Variants in RASGRF2 observed in about 807,000 individuals in gnomAD.
RASGRF2 encodes ras-specific guanine nucleotide-releasing factor 2.
A neutral mutation model predicts 151.0 loss-of-function variants in RASGRF2; 76 were observed. That is an observed-to-expected ratio of 0.50 (90% confidence interval 0.42 to 0.61). RASGRF2 has a LOEUF of 0.61. RASGRF2 is among the 20% of genes least tolerant of loss of function. The pLI is 0.00. For synonymous variants in RASGRF2, 504 were observed against 566.5 expected, an observed-to-expected ratio of 0.89 and a Z score of 1.57; for missense variants, 1,148 against 1,564.6, an observed-to-expected ratio of 0.73 and a Z score of 4.49.
At chr5:81,144,169 G>T (rs184186865) in intron 17 of RASGRF2, among the ~76,000 whole-genome samples, 9 of 152,308 alleles carry the variant, frequency 5.9e-5, no homozygotes, top group African/African-American at 7.2e-5. Context: ...GATGTGACAA[G>T]CTTTTAGTTA....
In RASGRF2 at chr5:81,070,545, A is replaced by C. The variant is rs200881583; in HGVS notation, c.597A>C (p.Gln199His). The C allele has an allele frequency of 3.1e-6, 5 of 1,611,140 alleles. No homozygotes were observed. In the South Asian group the frequency reaches 4.4e-5, roughly 14 times the overall value. Residue 199 changes from glutamine to histidine, a missense_variant, in exon 4 of 27, where the codon CAA (glutamine) becomes CAC (histidine). By Grantham distance (24) the Gln-to-His change is conservative. Around this residue, in one of 5 missense-constraint regions of RASGRF2, gnomAD observed 221 missense variants for 271.3 expected, o/e 0.81. Coordinates refer to ENST00000265080, the MANE Select transcript of RASGRF2 (RefSeq NM_006909.3). ...KERMRPYQSN[Q>H]EDEDPDIKKI... ...GAATGCGACCTTACCAAAGCAACCA[A>C]GAAGACGAAGATCCAGACATCAAGA... is the stretch of plus-strand genomic sequence containing the variant.
At chr5:81,160,682 A>AAATAATAATAATAATAAT (rs531513005) in intron 17 of RASGRF2, among the ~76,000 whole-genome samples, 41 of 138,482 alleles carry the variant, frequency 3.0e-4, no homozygotes, top group Middle Eastern at 3.7e-3. Flanking sequence ...TCTGTCTCAA[A>AAATAATAATAATAATAAT]AATAATAATA....
intron 1 of RASGRF2, among the ~76,000 whole-genome samples, chr5:81,024,948 C>G (rs1561561154): frequency 6.6e-6 from 1 of 152,224 alleles, no homozygotes; most frequent in Non-Finnish European, 1.5e-5. Context: ...GTCTCCTCAC[C>G]AGCTTCCTGG....
chr5:81,146,357 A>T (rs186165966), intron 17 of RASGRF2, among the ~76,000 whole-genome samples: 8 of 152,294 alleles, frequency 5.3e-5, no homozygotes, highest in Admixed American at 5.2e-4. Context: ...ATGAAATTGA[A>T]GCTGGCCTAT....
At chr5:81,108,533 A>T (rs1752905531) in intron 12 of RASGRF2, among the ~76,000 whole-genome samples, 1 of 152,256 alleles carries the variant, frequency 6.6e-6, no homozygotes, top group African/African-American at 2.4e-5. Context: ...CTAGTGAGAC[A>T]GAAGATGAAT....
At chr5:81,127,596 G>A (rs1753493021) in intron 17 of RASGRF2, among the ~76,000 whole-genome samples, 1 of 152,016 alleles carries the variant, frequency 6.6e-6, no homozygotes, top group African/African-American at 2.4e-5. Flanking sequence ...GTGCTTCTGG[G>A]AAGAGACTGT....
rs1434078298 is a variant in RASGRF2 at position 81,227,581 on chromosome 5, C to T, written c.*1811C>T. 4 of 152,134 alleles carry T rather than the reference C, an allele frequency of 2.6e-5. No homozygotes were observed. Among genetic ancestry groups the T allele is most frequent in the Non-Finnish European group, 5.9e-5 (4 of 68,028 alleles). 9.4% of individuals were successfully genotyped at this position (152,134 alleles called of 1,614,324 possible). Reference sequence around the variant, plus strand: ...CTGTTTGGATCCTAACAACGCATAACTTGTGATTTATTTCTCAGTGCTCCA... The same window carrying T: ...CTGTTTGGATCCTAACAACGCATAATTTGTGATTTATTTCTCAGTGCTCCA... On this transcript the variant is annotated 3_prime_UTR_variant, in exon 27 of 27. Coordinates refer to ENST00000265080, the MANE Select transcript of RASGRF2 (RefSeq NM_006909.3).
rs148962081 is a variant in RASGRF2 at position 80,976,757 on chromosome 5, A to G, written c.288+15731A>G. Among the ~76,000 whole-genome samples, 329 of 152,210 alleles carry G rather than the reference A, an allele frequency of 2.2e-3. 2 individuals are homozygous for G. The highest frequency in any genetic ancestry group is 7.6e-3 in the African/African-American group (316 of 41,542). ...CTCTTTGCCGTTTCAGACCTTGCCT[A>G]TGGTACAGCTCTTGACTCCGTGAGG... is the stretch of plus-strand genomic sequence containing the variant. On this transcript the variant is annotated intron_variant, in intron 1 of 26. Coordinates refer to ENST00000265080, the MANE Select transcript of RASGRF2 (RefSeq NM_006909.3).
chr5:81,174,953 A>T (rs1377751035), intron 17 of RASGRF2, among the ~76,000 whole-genome samples: 2 of 152,230 alleles, frequency 1.3e-5, no homozygotes. Flanking sequence ...GTCTTCTCTC[A>T]TACCTTTAAG....
intron 1 of RASGRF2, among the ~76,000 whole-genome samples, chr5:81,010,783 T>C (rs570705478): frequency 6.6e-6 from 1 of 152,198 alleles, no homozygotes; most frequent in South Asian, 2.1e-4. Flanking sequence ...TCAGGCAACA[T>C]GGTAAGTGCC....
chr5:80,964,645 G>A (rs757543510), intron 1 of RASGRF2, among the ~76,000 whole-genome samples: 6 of 152,100 alleles, frequency 3.9e-5, no homozygotes, highest in Admixed American at 6.5e-5. Flanking sequence ...ATGGATGGGG[G>A]CTTGGGGTAT....
At chr5:81,049,246 C>T (rs945511160) in intron 2 of RASGRF2, among the ~76,000 whole-genome samples, 2 of 150,982 alleles carry the variant, frequency 1.3e-5, no homozygotes, top group Non-Finnish European at 2.9e-5. Context: ...TCCCCAAGCC[C>T]ATTTACTTCC....
intron 2 of RASGRF2, among the ~76,000 whole-genome samples, chr5:81,047,546 G>A (rs1015017133): frequency 2.6e-5 from 4 of 152,188 alleles, no homozygotes; most frequent in African/African-American, 9.6e-5. Context: ...CCCTCAGGGT[G>A]TATCTTGAGC....
Position 81,087,028 on chromosome 5 carries a change from G to T in RASGRF2, c.1390+75G>T. On this transcript the variant is annotated intron_variant, in intron 9 of 26. Coordinates refer to ENST00000265080, the MANE Select transcript of RASGRF2 (RefSeq NM_006909.3). ...ACATGATCTCGGCACACCCCGGAAG[G>T]CGTTCTGAACAGGCGTGACGGGTGC... 3 of 1,385,040 alleles carry T rather than the reference G, an allele frequency of 2.2e-6. No individual in the cohort carries two copies. In the South Asian group the frequency reaches 3.6e-5, roughly 16 times the overall value. The allele number at this position is 1,385,040 out of a possible 1,614,324, so 85.8% of individuals were successfully genotyped here.
intron 17 of RASGRF2, among the ~76,000 whole-genome samples, chr5:81,133,793 TTAGA>T (rs1265970695): frequency 6.6e-6 from 1 of 152,240 alleles, no homozygotes; most frequent in African/African-American, 2.4e-5. Context: ...TTACAATTGC[TTAGA>T]TAAATAGTGA....
chr5:81,191,228 C>T (rs906380608), intron 18 of RASGRF2, among the ~76,000 whole-genome samples: 1 of 152,176 alleles, frequency 6.6e-6, no homozygotes, highest in Non-Finnish European at 1.5e-5. Context: ...ACGGCTCTGC[C>T]TTGCTTGTTG....
chr5:81,017,299 G>A (rs1156805532), intron 1 of RASGRF2, among the ~76,000 whole-genome samples: 1 of 152,152 alleles, frequency 6.6e-6, no homozygotes, highest in Non-Finnish European at 1.5e-5. Flanking sequence ...AGGAAAGGTG[G>A]GCTTGTTTCC....
intron 11 of RASGRF2, 71 bp downstream of exon 11, chr5:81,094,433 C>T (rs1752479477): frequency 6.4e-6 from 9 of 1,396,194 alleles, no homozygotes; most frequent in Non-Finnish European, 8.9e-6. Context: ...GGATAAACTC[C>T]CTAAAGTCAT....
chr5:80,965,698 TA>T (rs1208819848), intron 1 of RASGRF2, among the ~76,000 whole-genome samples: 1 of 152,202 alleles, frequency 6.6e-6, no homozygotes, highest in African/African-American at 2.4e-5. Flanking sequence ...TTTTGACAAT[TA>T]AAAAATAGAG....
Sources: allele counts gnomAD v4.1 joint callset (sites outside exome capture counted in the v4.1 genomes callset), GRCh38; gene constraint gnomAD v4.1.1; regional missense constraint gnomAD v4.1.1; transcripts MANE v1.5; gene names NCBI Gene and HGNC (gene_info 2026-07-23, HGNC 2026-07-21).